The following KPNA6 variants were observed in gnomAD, a reference collection of about 807,000 sequenced individuals.
KPNA6 encodes importin subunit alpha-7.
KPNA6 carries 9 observed loss-of-function variants against 72.0 expected under a neutral mutation model. That is an observed-to-expected ratio of 0.13 (90% confidence interval 0.08 to 0.22). The LOEUF is 0.22. Among genes scored for constraint, KPNA6 ranks in the 10% least tolerant of loss-of-function variants. KPNA6 has a pLI of 1.00. For missense variants in KPNA6, 374 were observed against 655.7 expected (o/e 0.57, Z 4.69); for synonymous variants, 219 against 242.1 (o/e 0.90, Z 0.89).
intron 2 of KPNA6, among the ~76,000 whole-genome samples, chr1:32,155,110 C>CAA (rs144040035): frequency 8.7e-4 from 47 of 54,212 alleles, no homozygotes; most frequent in East Asian, 1.8e-3. Flanking sequence ...AACTCCATCT[C>CAA]AAAAAAAAAA....
intron 1 of KPNA6, among the ~76,000 whole-genome samples, chr1:32,108,656 G>A (rs1641190324): frequency 6.6e-6 from 1 of 152,260 alleles, no homozygotes; most frequent in Admixed American, 6.5e-5. Flanking sequence ...CAGCCAGGCC[G>A]AGGGCAGCTT....
At chr1:32,108,862 C>G (rs993286653) in intron 1 of KPNA6, among the ~76,000 whole-genome samples, 1 of 152,168 alleles carries the variant, frequency 6.6e-6, no homozygotes, top group Non-Finnish European at 1.5e-5. Flanking sequence ...TGAGGGGACT[C>G]CGGCTGGCAA....
At position 32,173,173 on chromosome 1, in the gene KPNA6, TAAAA is replaced by T. The variant is rs60616241; in HGVS notation, c.*2297_*2300del. 859 of 317,688 alleles carry T rather than the reference TAAAA, an allele frequency of 2.7e-3. No individual in the cohort carries two copies. The highest frequency in any genetic ancestry group is 6.0e-3 in the Middle Eastern group (8 of 1,338). 19.7% of individuals were successfully genotyped at this position (317,688 alleles called of 1,614,324 possible). On this transcript the variant is annotated 3_prime_UTR_variant, in exon 14 of 14. Transcript: ENST00000373625. ...ATTAAAAAACCATTCTCTTACAGTTTAAAAAAAAAAAAAAAAAAAAAGCCTTCCC... is the reference window on the plus strand; with the variant it reads ...ATTAAAAAACCATTCTCTTACAGTTTAAAAAAAAAAAAAAAAAGCCTTCCC...
chr1:32,124,564 T>G (rs1042934388), intron 1 of KPNA6, among the ~76,000 whole-genome samples: 6 of 150,784 alleles, frequency 4.0e-5, no homozygotes, highest in Non-Finnish European at 8.9e-5. Context: ...TGGAGTGCAG[T>G]GGCACGATCT....
At chr1:32,122,728 G>A (rs962555944) in intron 1 of KPNA6, among the ~76,000 whole-genome samples, 1 of 152,106 alleles carries the variant, frequency 6.6e-6, no homozygotes, top group African/African-American at 2.4e-5. Flanking sequence ...GGCCGAGGCA[G>A]GCAAATCACC....
At chr1:32,111,534 C>G (rs1156259388) in intron 1 of KPNA6, among the ~76,000 whole-genome samples, 2 of 152,140 alleles carry the variant, frequency 1.3e-5, no homozygotes, top group East Asian at 1.9e-4. Flanking sequence ...CAAACTAATG[C>G]ATTCATTTAA....
chr1:32,170,364 A>C (rs1269113280), intron 13 of KPNA6, among the ~76,000 whole-genome samples: 4 of 152,096 alleles, frequency 2.6e-5, no homozygotes, highest in African/African-American at 9.7e-5. Flanking sequence ...CCTTCTAAGG[A>C]GTGATAGGTC....
intron 1 of KPNA6, among the ~76,000 whole-genome samples, chr1:32,132,674 C>T (rs951768327): frequency 2.6e-5 from 4 of 152,102 alleles, no homozygotes; most frequent in African/African-American, 4.8e-5. Flanking sequence ...GAGGCCGAGG[C>T]GGGCAGATCA....
chr1:32,136,064 C>G (rs1025347041), intron 1 of KPNA6, among the ~76,000 whole-genome samples: 1 of 152,130 alleles, frequency 6.6e-6, no homozygotes, highest in Non-Finnish European at 1.5e-5. Context: ...AACTAGTAGT[C>G]TGTAGGCCAC....
At chr1:32,154,286 T>C (rs1411676580) in intron 1 of KPNA6, among the ~76,000 whole-genome samples, 1 of 152,178 alleles carries the variant, frequency 6.6e-6, no homozygotes, top group Non-Finnish European at 1.5e-5. Flanking sequence ...TTGTCCAAGG[T>C]TGCACAGCTA....
chr1:32,128,365 A>AT (rs1392522278), intron 1 of KPNA6, among the ~76,000 whole-genome samples: 1 of 134,368 alleles, frequency 7.4e-6, no homozygotes, highest in African/African-American at 2.7e-5. Context: ...GAATATATAT[A>AT]TTTTTTATAT....
At chr1:32,168,337 G>C (rs967425777) in intron 12 of KPNA6, among the ~76,000 whole-genome samples, 2 of 152,148 alleles carry the variant, frequency 1.3e-5, no homozygotes, top group Non-Finnish European at 2.9e-5. Context: ...TTACAGGCAC[G>C]TGCCACCACG....
At chr1:32,147,619 CT>C in intron 1 of KPNA6, among the ~76,000 whole-genome samples, 1 of 138,696 alleles carries the variant, frequency 7.2e-6, no homozygotes, top group Middle Eastern at 4.2e-3. Flanking sequence ...CTTTCTTATT[CT>C]ACTGCCTTCT....
At chr1:32,158,736 G>A (rs1281561195) in intron 5 of KPNA6, among the ~76,000 whole-genome samples, 3 of 152,194 alleles carry the variant, frequency 2.0e-5, no homozygotes, top group Admixed American at 6.5e-5. Context: ...AGAAATTGCA[G>A]TGGGATACTT....
chr1:32,134,826 G>A (rs1641704580), intron 1 of KPNA6, among the ~76,000 whole-genome samples: 1 of 151,990 alleles, frequency 6.6e-6, no homozygotes, highest in South Asian at 2.1e-4. Flanking sequence ...ATTGTTTACA[G>A]CTTAGGTGGG....
Position 32,171,368 on chromosome 1 carries a change from G to T in KPNA6, c.*474G>T. On this transcript the variant is annotated 3_prime_UTR_variant, in exon 14 of 14. Transcript: ENST00000373625. ...AGACGGTATATTCCAGAGGTGGGAG[G>T]TGGGAGGGGAAGGGAGAAATCCAAA... is the stretch of plus-strand genomic sequence containing the variant. 1 of 153,236 alleles carries T rather than the reference G, an allele frequency of 6.5e-6. No individual in the cohort carries two copies. Among genetic ancestry groups the T allele is most frequent in the Non-Finnish European group, 1.5e-5 (1 of 68,882 alleles). The allele number at this position is 153,236 out of a possible 1,614,324, so 9.5% of individuals were successfully genotyped here.
intron 1 of KPNA6, among the ~76,000 whole-genome samples, chr1:32,113,811 C>A (rs751894910): frequency 6.6e-6 from 1 of 152,080 alleles, no homozygotes; most frequent in Non-Finnish European, 1.5e-5. Context: ...ATTTGTTTGC[C>A]CACCCGTAAG....
intron 2 of KPNA6, 44 bp from the exon 3 acceptor site, chr1:32,156,809 T>C: frequency 7.1e-7 from 1 of 1,405,260 alleles, no homozygotes; most frequent in Non-Finnish European, 1.0e-6. Flanking sequence ...CTTTGTTTTC[T>C]TTGGTTCAGA....
intron 1 of KPNA6, among the ~76,000 whole-genome samples, chr1:32,117,638 A>T (rs930177906): frequency 1.1e-4 from 17 of 152,152 alleles, no homozygotes; most frequent in African/African-American, 4.1e-4. Context: ...CAAAAACAAT[A>T]ACAACAATAA....
Sources: gnomAD v4.1 joint callset for allele counts (sites outside exome capture counted in the v4.1 genomes callset) on GRCh38, gnomAD v4.1.1 for gene constraint, MANE v1.5 for transcripts, NCBI Gene and HGNC (gene_info 2026-07-23, HGNC 2026-07-21) for gene names.